SEMA5A: variants seen among roughly 807,000 people sequenced by gnomAD.
SEMA5A encodes the protein semaphorin-5A.
SEMA5A carries 55 observed loss-of-function variants against 135.5 expected under a neutral mutation model. The observed-to-expected ratio is 0.41, with a 90% CI of 0.33 to 0.51. The LOEUF (loss-of-function observed/expected upper bound fraction) is 0.51. SEMA5A is among the 20% of genes least tolerant of loss of function. The pLI is 0.37. For missense variants in SEMA5A, 1,290 were observed against 1,419.9 expected, an observed-to-expected ratio of 0.91 and a Z score of 1.47; for synonymous variants, 580 against 546.5, an observed-to-expected ratio of 1.06 and a Z score of -0.85.
chr5:9,393,687 T>A (rs532871634), intron 2 of SEMA5A, among the ~76,000 whole-genome samples: 1 of 152,306 alleles, frequency 6.6e-6, no homozygotes, highest in Non-Finnish European at 1.5e-5. Context: ...GCTTTATAAA[T>A]CTTGTAGGAA....
At chr5:9,134,744 T>C (rs935176419) in intron 13 of SEMA5A, among the ~76,000 whole-genome samples, 1 of 152,208 alleles carries the variant, frequency 6.6e-6, no homozygotes, top group African/African-American at 2.4e-5. Flanking sequence ...TTTTTATGAT[T>C]AAAAATGCAA....
chr5:9,084,063 C>T (rs1161198513), intron 16 of SEMA5A, among the ~76,000 whole-genome samples: 8 of 152,032 alleles, frequency 5.3e-5, no homozygotes, highest in Admixed American at 2.6e-4. Flanking sequence ...AATCTTAGCC[C>T]CTTTAATAAA....
At chr5:9,101,814 T>A (rs1352877743) in intron 16 of SEMA5A, among the ~76,000 whole-genome samples, 2 of 152,110 alleles carry the variant, frequency 1.3e-5, no homozygotes, top group Non-Finnish European at 1.5e-5. Context: ...TCATATAGGG[T>A]CTGCATCTGT....
intron 1 of SEMA5A, among the ~76,000 whole-genome samples, chr5:9,514,430 AT>A (rs1736394684): frequency 6.6e-6 from 1 of 152,134 alleles, no homozygotes; most frequent in Non-Finnish European, 1.5e-5. Flanking sequence ...CTTAATGTCA[AT>A]CATTTAGAAC....
At chr5:9,126,556 C>CAAAAAA (rs112437159) in intron 13 of SEMA5A, among the ~76,000 whole-genome samples, 2 of 136,520 alleles carry the variant, frequency 1.5e-5, no homozygotes, top group African/African-American at 2.7e-5. Flanking sequence ...GGAATGACAG[C>CAAAAAA]AAAAAAAAAA....
chr5:9,367,726 C>T (rs1159597134), intron 3 of SEMA5A, among the ~76,000 whole-genome samples: 2 of 152,138 alleles, frequency 1.3e-5, no homozygotes, highest in African/African-American at 4.8e-5. Context: ...TTCTTCTCTC[C>T]AAATCTCATG....
At chr5:9,373,941 A>G (rs1755248930) in intron 3 of SEMA5A, among the ~76,000 whole-genome samples, 1 of 152,270 alleles carries the variant, frequency 6.6e-6, no homozygotes, top group South Asian at 2.1e-4. Flanking sequence ...TGCCTTAAGT[A>G]GACATTAAAC....
intron 15 of SEMA5A, among the ~76,000 whole-genome samples, chr5:9,108,996 A>G (rs184989021): frequency 1.4e-5 from 2 of 144,550 alleles, no homozygotes; most frequent in East Asian, 4.1e-4. Context: ...AGCCTCCTTT[A>G]TCCTTATCAT....
At chr5:9,229,916 T>C (rs1165728210) in intron 6 of SEMA5A, among the ~76,000 whole-genome samples, 2 of 152,100 alleles carry the variant, frequency 1.3e-5, no homozygotes, top group Non-Finnish European at 2.9e-5. Context: ...AGATATCAAA[T>C]ATGGTGTTTA....
At chr5:9,102,272 C>T (rs1170969435) in intron 16 of SEMA5A, among the ~76,000 whole-genome samples, 1 of 152,198 alleles carries the variant, frequency 6.6e-6, no homozygotes, top group Non-Finnish European at 1.5e-5. Flanking sequence ...AATAAAAGTA[C>T]ACACCATTGC....
At chr5:9,324,871 T>C (rs1052178818) in intron 4 of SEMA5A, among the ~76,000 whole-genome samples, 1 of 152,228 alleles carries the variant, frequency 6.6e-6, no homozygotes, top group Non-Finnish European at 1.5e-5. Context: ...ATAATGCTTC[T>C]GGCCCCTGGC....
intron 11 of SEMA5A, among the ~76,000 whole-genome samples, chr5:9,181,866 C>A (rs903770183): frequency 6.6e-6 from 1 of 151,988 alleles, no homozygotes; most frequent in African/African-American, 2.4e-5. Context: ...TCCCCCAACC[C>A]CCTGCCCCAT....
chr5:9,362,696 C>T (rs558144981), intron 3 of SEMA5A, among the ~76,000 whole-genome samples: 5 of 152,280 alleles, frequency 3.3e-5, no homozygotes, highest in African/African-American at 1.2e-4. Flanking sequence ...AGTTAATGTA[C>T]TTGCCCCCAT....
chr5:9,419,030 T>C (rs978158457), intron 2 of SEMA5A, among the ~76,000 whole-genome samples: 2 of 152,212 alleles, frequency 1.3e-5, no homozygotes, highest in East Asian at 3.9e-4. Flanking sequence ...CTCTTAACAC[T>C]GCTTTGGCTG....
intron 3 of SEMA5A, among the ~76,000 whole-genome samples, chr5:9,354,232 A>G (rs962125624): frequency 1.3e-5 from 2 of 152,120 alleles, no homozygotes; most frequent in African/African-American, 4.8e-5. Context: ...CAAGACCCAT[A>G]AGCCAGGGGG....
At chr5:9,356,743 T>C (rs949149754) in intron 3 of SEMA5A, among the ~76,000 whole-genome samples, 4 of 152,164 alleles carry the variant, frequency 2.6e-5, no homozygotes, top group Admixed American at 2.6e-4. Flanking sequence ...CTGAAGTAGA[T>C]CATACCCACG....
rs117430194 is a variant in SEMA5A at position 9,292,690 on chromosome 5, C to T, written c.270+25682G>A. Among the ~76,000 whole-genome samples the T allele has an allele frequency of 4.6e-4, 70 of 152,246 alleles. No individual in the cohort carries two copies. The East Asian group carries it at 0.012, about 25-fold the overall frequency. On this transcript the variant is annotated intron_variant, in intron 5 of 22. Transcript: ENST00000382496. ...TTTGTTTGAAAATACACACTCAAGT[C>T]CATACAAAGAAAAAAATCAACTGTT...
chr5:9,427,472 A>G (rs1579522749), intron 2 of SEMA5A, among the ~76,000 whole-genome samples: 2 of 152,244 alleles, frequency 1.3e-5, no homozygotes, highest in East Asian at 3.8e-4. Context: ...CTATCAAAGC[A>G]TGTGTTGGTT....
intron 15 of SEMA5A, among the ~76,000 whole-genome samples, chr5:9,114,631 A>G (rs1204017772): frequency 6.6e-6 from 1 of 152,206 alleles, no homozygotes; most frequent in Admixed American, 6.5e-5. Context: ...TTACATAGCT[A>G]AGGAAATTTC....
Sources: allele counts gnomAD v4.1 joint callset (sites outside exome capture counted in the v4.1 genomes callset), GRCh38; gene constraint gnomAD v4.1.1; transcripts MANE v1.5; gene names NCBI Gene and HGNC (gene_info 2026-07-23, HGNC 2026-07-21).